Variants in TAF5 observed in about 807,000 individuals in gnomAD.
TAF5 encodes the protein TATA-box binding protein associated factor 5.
Under a neutral mutation model 80.9 loss-of-function variants are expected in TAF5, and 20 were observed. The ratio of observed to expected loss-of-function variants is 0.25; its 90% CI spans 0.17 to 0.36. The LOEUF (loss-of-function observed/expected upper bound fraction) is 0.36, where lower values mean the gene tolerates loss of function less well. Ranked by LOEUF, TAF5 falls within the 10% of genes least tolerant of loss-of-function variation. TAF5 has a pLI of 1.00. For synonymous variants in TAF5, 388 were observed against 406.4 expected, an observed-to-expected ratio of 0.95 and a Z score of 0.55; for missense variants, 863 against 1,029.4, an observed-to-expected ratio of 0.84 and a Z score of 2.21.
intron 7 of TAF5, among the ~76,000 whole-genome samples, chr10:103,384,703 A>G (rs750357210): frequency 6.6e-6 from 1 of 152,206 alleles, no homozygotes; most frequent in Non-Finnish European, 1.5e-5. Flanking sequence ...AAACTTTGAG[A>G]ATTAGGTTTT....
At chr10:103,387,733 A>G (rs1480718271) in intron 10 of TAF5, 35 bp downstream of exon 10, 2 of 1,582,910 alleles carry the variant, frequency 1.3e-6, no homozygotes, top group Middle Eastern at 1.7e-4. Context: ...GATAAATGCT[A>G]TGTTAAGAGG....
In TAF5 at chr10:103,374,603, G is replaced by A. The variant is rs2093366531; in HGVS notation, c.797+1008G>A. Among the ~76,000 whole-genome samples the A allele has an allele frequency of 6.6e-6, 1 of 152,198 alleles. No homozygotes were observed. The highest frequency in any genetic ancestry group is 1.5e-5 in the Non-Finnish European group (1 of 68,038). ...ATTCAGGTTTTCTTTTATGGAGGAA[G>A]ACAGGAAAAATGGATATTTGGGGAG... On this transcript the variant is annotated intron_variant, in intron 2 of 10. Coordinates refer to ENST00000369839, the MANE Select transcript of TAF5 (RefSeq NM_006951.5). This position sits in a 1 kb window ranked among gnomAD's most constrained non-coding sequence, Gnocchi z 4.3.
chr10:103,370,766 G>A (rs1768242610), intron 1 of TAF5, among the ~76,000 whole-genome samples: 2 of 152,096 alleles, frequency 1.3e-5, no homozygotes, highest in Non-Finnish European at 2.9e-5. Context: ...CTCATATACC[G>A]TATAAGGTAT....
At chr10:103,375,634 G>A (rs972630623) in intron 2 of TAF5, among the ~76,000 whole-genome samples, 2 of 152,254 alleles carry the variant, frequency 1.3e-5, no homozygotes, top group South Asian at 4.1e-4. Flanking sequence ...TTGACTAGGG[G>A]AGAGTATGAA....
chr10:103,369,831 T>G (rs1311104165), intron 1 of TAF5, among the ~76,000 whole-genome samples: 2 of 152,216 alleles, frequency 1.3e-5, no homozygotes, highest in Non-Finnish European at 2.9e-5. Flanking sequence ...TATGGCAGCT[T>G]GAGAGCCATG....
In TAF5 at chr10:103,374,327, G is replaced by A. The variant is rs750635515; in HGVS notation, c.797+732G>A. On this transcript the variant is annotated intron_variant, in intron 2 of 10. Coordinates refer to ENST00000369839, the MANE Select transcript of TAF5 (RefSeq NM_006951.5). This position sits in a 1 kb window ranked among gnomAD's most constrained non-coding sequence, Gnocchi z 4.3. ...GGGACATTCGGGATTGGTGTGGTGG[G>A]TTCTTCATTACCAGGGCCCCAAGCT... 3.3e-5 allele frequency among the ~76,000 whole-genome samples: 5 copies of A among 152,184 alleles called. No homozygotes were observed. Among genetic ancestry groups the A allele is most frequent in the Non-Finnish European group, 7.3e-5 (5 of 68,030 alleles).
At position 103,383,354 on chromosome 10, in the gene TAF5, T is replaced by C; in HGVS notation, c.1651T>C (p.Phe551Leu). 6.3e-7 allele frequency: 1 copy of C among 1,595,644 alleles called. No individual in the cohort carries two copies. The highest frequency in any genetic ancestry group is 8.5e-7 in the Non-Finnish European group (1 of 1,175,148). ...GHSGPVYGASFSPDRNYLLSS... is the reference protein window; with the variant it reads ...GHSGPVYGASLSPDRNYLLSS... ...CAGTGGGCCTGTCTACGGAGCCAGCTTCAGTCCGGATAGGTAAAATACAAA... is the reference window on the plus strand; with the variant it reads ...CAGTGGGCCTGTCTACGGAGCCAGCCTCAGTCCGGATAGGTAAAATACAAA... The change falls in exon 7 of 11, where the codon TTC (phenylalanine) becomes CTC (leucine). Residue 551 changes from phenylalanine (F) to leucine (L), a missense_variant. Transcript: ENST00000369839.
At chr10:103,373,732 G>A in intron 2 of TAF5, 137 bp downstream of exon 2, 2 of 667,222 alleles carry the variant, frequency 3.0e-6, no homozygotes, top group Non-Finnish European at 2.4e-6. Context: ...GGTACCTGAG[G>A]CTATGAGAAC....
At position 103,373,333 on chromosome 10, in the gene TAF5, TAAAAG is replaced by T. The variant is rs1281425735; in HGVS notation, c.560-24_560-20del. On this transcript the variant is annotated intron_variant, in intron 1 of 10. Coordinates refer to ENST00000369839, the MANE Select transcript of TAF5 (RefSeq NM_006951.5). Reference sequence around the variant, plus strand: ...ACATGGTCATAATAGGTCATTTTCTTAAAAGTTTTTTGTTTTTTAAATAGTTGGAA... The same window carrying T: ...ACATGGTCATAATAGGTCATTTTCTTTTTTTTGTTTTTTAAATAGTTGGAA... The T allele has an allele frequency of 5.0e-6, 8 of 1,604,694 alleles. No individual in the cohort carries two copies. Among genetic ancestry groups the T allele is most frequent in the Middle Eastern group, 1.7e-4 (1 of 6,024 alleles).
intron 1 of TAF5, among the ~76,000 whole-genome samples, chr10:103,372,637 C>T (rs944402512): frequency 6.7e-6 from 1 of 150,228 alleles, no homozygotes; most frequent in Non-Finnish European, 1.5e-5. Context: ...CCCGGCGGCT[C>T]ATACTCGTAA....
chr10:103,382,519 C>G (rs1258001645), intron 6 of TAF5, among the ~76,000 whole-genome samples: 3 of 152,056 alleles, frequency 2.0e-5, no homozygotes, highest in Non-Finnish European at 4.4e-5. Context: ...ACTGCAACCT[C>G]CACCTCCCTG....
At chr10:103,387,823 C>G (rs555816082) in intron 10 of TAF5, 125 bp downstream of exon 10, 1 of 1,142,678 alleles carries the variant, frequency 8.8e-7, no homozygotes, top group Middle Eastern at 2.4e-4. Context: ...AGAGTGTCAT[C>G]CTACATCAAT....
At position 103,378,277 on chromosome 10, in the gene TAF5, A is replaced by G; in HGVS notation, c.840A>G (p.Arg280=). The G allele has an allele frequency of 6.2e-7, 1 of 1,614,164 alleles. No individual in the cohort carries two copies. Among genetic ancestry groups the G allele is most frequent in the Non-Finnish European group, 8.5e-7 (1 of 1,180,004 alleles). Residue 280 remains arginine (R), a synonymous_variant, in exon 3 of 11, where the codon CGA becomes CGG. Coordinates refer to ENST00000369839, the MANE Select transcript of TAF5 (RefSeq NM_006951.5). This position sits in a 1 kb window ranked among gnomAD's most constrained non-coding sequence, Gnocchi z 4.1. ...DQECYYQDDL[R]VLSSLTKKEH... is the part of the protein sequence containing the mutation. ...AATGTTATTACCAGGATGACCTACGAGTATTATCTAGTCTTACCAAAAAGG... is the reference window on the plus strand; with the variant it reads ...AATGTTATTACCAGGATGACCTACGGGTATTATCTAGTCTTACCAAAAAGG...
chr10:103,386,508 G>C (rs996088156), intron 8 of TAF5, among the ~76,000 whole-genome samples: 6 of 152,144 alleles, frequency 3.9e-5, no homozygotes, highest in Non-Finnish European at 7.3e-5. Flanking sequence ...TAGGAATAGA[G>C]GAGGAAGAAT....
chr10:103,387,532 T>C lies in TAF5; in HGVS notation c.2019T>C (p.His673=). 3 of 1,613,146 alleles carry C rather than the reference T, an allele frequency of 1.9e-6. No individual in the cohort carries two copies. Among genetic ancestry groups the C allele is most frequent in the East Asian group, 2.2e-5 (1 of 44,870 alleles). The change falls in exon 10 of 11, where the codon CAT becomes CAC. Residue 673 remains histidine, a synonymous_variant. Transcript: ENST00000369839. ...GAACTTTTTTCTAGGGACCAATTCA[T>C]TCCTTGACATTTTCTCCCAATGGGA... The part of the protein sequence containing the change: ...RIFTGHKGPI[H]SLTFSPNGRF...
At position 103,387,709 on chromosome 10, in the gene TAF5, A is replaced by G. The variant is rs778117949; in HGVS notation, c.2185+11A>G. 1 of 1,605,718 alleles carries G rather than the reference A, an allele frequency of 6.2e-7. No individual in the cohort carries two copies. Among genetic ancestry groups the G allele is most frequent in the Non-Finnish European group, 8.5e-7 (1 of 1,176,360 alleles). On this transcript the variant is annotated intron_variant, in intron 10 of 10. Transcript: ENST00000369839. The stretch of plus-strand genomic sequence containing the variant: ...AAATTTTGGCATCAGGTAAATGACT[A>G]TTAATGGCTTTACGATAAATGCTAT...
chr10:103,378,603 AT>A lies in TAF5; in HGVS notation c.1113+56del. 6.6e-7 allele frequency: 1 copy of A among 1,507,988 alleles called. No homozygotes were observed. The highest frequency in any genetic ancestry group is 8.9e-7 in the Non-Finnish European group (1 of 1,120,722). 93.4% of individuals were successfully genotyped at this position (1,507,988 alleles called of 1,614,324 possible). A position where few individuals can be genotyped will look rare whatever the true frequency, so the allele number is the denominator to read the frequency against. Reference sequence around the variant, plus strand: ...AATGCAGATTATGAAAAATTGTAGCATTTCCATCTACATAAGTTACACATTT... The same window carrying A: ...AATGCAGATTATGAAAAATTGTAGCATTCCATCTACATAAGTTACACATTT... On this transcript the variant is annotated intron_variant, in intron 3 of 10. Coordinates refer to ENST00000369839, the MANE Select transcript of TAF5 (RefSeq NM_006951.5). This position sits in a 1 kb window ranked among gnomAD's most constrained non-coding sequence, Gnocchi z 4.1.
chr10:103,381,207 C>T (rs1448652560), intron 5 of TAF5, among the ~76,000 whole-genome samples: 2 of 152,024 alleles, frequency 1.3e-5, no homozygotes, highest in East Asian at 1.9e-4. Flanking sequence ...CCTCAGCCTC[C>T]TAAAGTGCTG....
rs1263328555 is a variant in TAF5 at position 103,388,422 on chromosome 10, A to G, written c.*199A>G. ...CATTTGACTAATTTCCGTTAGTTGAATAAGAGGTATTATGATCATGGAGGG... is the reference window on the plus strand; with the variant it reads ...CATTTGACTAATTTCCGTTAGTTGAGTAAGAGGTATTATGATCATGGAGGG... On this transcript the variant is annotated 3_prime_UTR_variant, in exon 11 of 11. Coordinates refer to ENST00000369839, the MANE Select transcript of TAF5 (RefSeq NM_006951.5). 4 of 527,440 alleles carry G rather than the reference A, an allele frequency of 7.6e-6. No homozygotes were observed. The highest frequency in any genetic ancestry group is 5.7e-5 in the African/African-American group (3 of 52,590). 32.7% of individuals were successfully genotyped at this position (527,440 alleles called of 1,614,324 possible). A position where few individuals can be genotyped will look rare whatever the true frequency, so the allele number is the denominator to read the frequency against.
Sources: allele counts gnomAD v4.1 joint callset (sites outside exome capture counted in the v4.1 genomes callset), GRCh38; gene constraint gnomAD v4.1.1; non-coding constraint Gnocchi (gnomAD v3.1); transcripts MANE v1.5; gene names NCBI Gene and HGNC (gene_info 2026-07-23, HGNC 2026-07-21).